The following CDON variants were observed in gnomAD, a reference collection of about 807,000 sequenced individuals.
CDON encodes the protein cell adhesion molecule-related/down-regulated by oncogenes.
In CDON, 73 loss-of-function variants were observed where a neutral mutation model predicts 120.9. The observed-to-expected ratio is 0.60, with a 90% confidence interval of 0.50 to 0.73. CDON has a LOEUF of 0.73. Among genes scored for constraint, CDON ranks in the 30% least tolerant of loss-of-function variants. The probability of loss-of-function intolerance (pLI) is 0.00; values close to 1 mark genes in which losing one functional copy is unlikely to be tolerated. For synonymous variants in CDON, 566 were observed against 573.5 expected (o/e 0.99, Z 0.19); for missense variants, 1,470 against 1,587.3 (o/e 0.93, Z 1.26).
chr11:125,963,228 C>T (rs1458464432), intron 18 of CDON, among the ~76,000 whole-genome samples: 3 of 152,100 alleles, frequency 2.0e-5, no homozygotes, highest in Non-Finnish European at 4.4e-5. Flanking sequence ...TTCAAATTAT[C>T]CAGATTTTAT....
chr11:126,048,182 T>G (rs991654333), intron 1 of CDON, among the ~76,000 whole-genome samples: 20 of 150,834 alleles, frequency 1.3e-4, no homozygotes, highest in African/African-American at 4.9e-4. Context: ...ATTGGGAGGC[T>G]GAGGCATGAG....
At chr11:125,975,577 A>C (rs910234328) in intron 18 of CDON, among the ~76,000 whole-genome samples, 1 of 152,198 alleles carries the variant, frequency 6.6e-6, no homozygotes, top group African/African-American at 2.4e-5. Flanking sequence ...AAATTATTCC[A>C]GCGGTTCTCA....
intron 1 of CDON, among the ~76,000 whole-genome samples, chr11:126,031,863 AC>A (rs1444411634): frequency 6.6e-6 from 1 of 152,156 alleles, no homozygotes; most frequent in African/African-American, 2.4e-5. Context: ...TTCCTCTTTC[AC>A]CAGCCTCAAG....
In CDON at chr11:125,980,696, C is replaced by G. The variant is rs536592129; in HGVS notation, c.3276+353G>C. Among the ~76,000 whole-genome samples, 20 of 152,308 alleles carry G rather than the reference C, an allele frequency of 1.3e-4. No individual in the cohort carries two copies. The East Asian group carries it at 2.3e-3, about 18-fold the overall frequency. On this transcript the variant is annotated intron_variant, in intron 17 of 19. Coordinates refer to ENST00000531738, the MANE Select transcript of CDON (RefSeq NM_001378964.1). ...CCACAATTTCCTGATCTGCCTGACT[C>G]TTTTCGGCATTTGCATTTTCAAGAC...
At position 126,008,733 on chromosome 11, in the gene CDON, T is replaced by C. The variant is rs138586373; in HGVS notation, c.1552+1608A>G. Among the ~76,000 whole-genome samples, 582 of 152,304 alleles carry C rather than the reference T, an allele frequency of 3.8e-3. 2 individuals carry two copies. The highest frequency in any genetic ancestry group is 6.1e-3 in the Non-Finnish European group (417 of 68,038). Reference sequence around the variant, plus strand: ...ACAATTTCGAGCAGAGCCACTCTTATTTTTGCCTAGAGGAATAGAAATATA... The same window carrying C: ...ACAATTTCGAGCAGAGCCACTCTTACTTTTGCCTAGAGGAATAGAAATATA... On this transcript the variant is annotated intron_variant, in intron 8 of 19. Transcript: ENST00000531738.
Position 126,019,612 on chromosome 11 carries a change from G to C in CDON, c.496+7C>G. 1 of 1,613,962 alleles carries C rather than the reference G, an allele frequency of 6.2e-7. No homozygotes were observed. On this transcript the variant is annotated splice_region_variant and intron_variant, in intron 4 of 19. Coordinates refer to ENST00000531738, the MANE Select transcript of CDON (RefSeq NM_001378964.1). ...GTGTGCCACCGGCTTTTCACAAAAG[G>C]TCTCACCTGTGGAATGTTCCAGCCA... is the stretch of plus-strand genomic sequence containing the variant.
At chr11:126,050,116 G>T (rs1948518096) in intron 1 of CDON, among the ~76,000 whole-genome samples, 1 of 151,012 alleles carries the variant, frequency 6.6e-6, no homozygotes. Flanking sequence ...AGATACCAGG[G>T]AGTCAATTTT....
intron 1 of CDON, among the ~76,000 whole-genome samples, chr11:126,055,975 G>A (rs998215944): frequency 2.0e-5 from 3 of 152,114 alleles, no homozygotes; most frequent in Admixed American, 2.0e-4. Context: ...AATGGCTGTT[G>A]GTAACTTTTA....
rs1408758018 is a variant in CDON at position 125,957,515 on chromosome 11, A to C, written c.*3427T>G. 1 of 152,272 alleles carries C rather than the reference A, an allele frequency of 6.6e-6. No individual in the cohort carries two copies. Among genetic ancestry groups the C allele is most frequent in the Non-Finnish European group, 1.5e-5 (1 of 68,048 alleles). The allele number at this position is 152,272 out of a possible 1,614,324, so 9.4% of individuals were successfully genotyped here. A position where few individuals can be genotyped will look rare whatever the true frequency, so the allele number is the denominator to read the frequency against. On this transcript the variant is annotated 3_prime_UTR_variant, in exon 20 of 20. Transcript: ENST00000531738. ...ACCAAATAAAACCTGCCAAAGCTAC[A>C]TCATTTAAAATATGTACAGTTTCAC...
At chr11:126,014,825 A>T (rs1023424467) in intron 7 of CDON, 3 of 159,910 alleles carry the variant, frequency 1.9e-5, no homozygotes, top group Admixed American at 6.0e-5. Context: ...AGGTAAAAAA[A>T]ACAAAAAAAG....
intron 1 of CDON, among the ~76,000 whole-genome samples, chr11:126,035,400 T>G (rs1359340630): frequency 6.6e-6 from 1 of 152,192 alleles, no homozygotes; most frequent in Non-Finnish European, 1.5e-5. Context: ...TAATACTAGT[T>G]TCCAAGTACC....
rs570232415 is a variant in CDON, at chr11:126,025,975, C to T, written c.-61-2438G>A. Among the ~76,000 whole-genome samples the T allele has an allele frequency of 3.3e-5, 5 of 152,286 alleles. No homozygotes were observed. In the South Asian group the frequency reaches 1.0e-3, roughly 32 times the overall value. On this transcript the variant is annotated intron_variant, in intron 1 of 19. Transcript: ENST00000531738. Reference sequence around the variant, plus strand: ...CTGGGACATGCGTAACCACAGCACCCAATACTCTCTTATGTAACTTATCTG... The same window carrying T: ...CTGGGACATGCGTAACCACAGCACCTAATACTCTCTTATGTAACTTATCTG...
At chr11:126,015,958 G>A (rs77549115) in intron 6 of CDON, among the ~76,000 whole-genome samples, 15,812 of 152,128 alleles carry the variant, frequency 0.1, 859 homozygotes, top group Admixed American at 0.13. Flanking sequence ...GATGTATAAT[G>A]GTGAAAATAA....
intron 1 of CDON, among the ~76,000 whole-genome samples, chr11:126,039,716 C>G (rs943543241): frequency 6.6e-6 from 1 of 152,168 alleles, no homozygotes; most frequent in African/African-American, 2.4e-5. Context: ...CTCCCTAAAG[C>G]AGCATTATCA....
chr11:125,959,210 G>A lies in CDON; in HGVS notation c.*1732C>T, dbSNP rs1945572114. On this transcript the variant is annotated 3_prime_UTR_variant, in exon 20 of 20. Transcript: ENST00000531738. ...TTATAAAATATATAGACATATGTAA[G>A]GGAATACTGATGCATTTATACAGAA... The A allele has an allele frequency of 6.6e-6, 1 of 152,160 alleles. No individual in the cohort carries two copies. The highest frequency in any genetic ancestry group is 2.4e-5 in the African/African-American group (1 of 41,440). 9.4% of individuals were successfully genotyped at this position (152,160 alleles called of 1,614,324 possible).
At chr11:126,022,986 G>A (rs1477459248) in intron 2 of CDON, among the ~76,000 whole-genome samples, 1 of 152,126 alleles carries the variant, frequency 6.6e-6, no homozygotes, top group East Asian at 1.9e-4. Flanking sequence ...TGGCAGACCT[G>A]GGATTTGAAC....
chr11:126,056,316 C>T (rs1948679329), intron 1 of CDON, among the ~76,000 whole-genome samples: 1 of 152,206 alleles, frequency 6.6e-6, no homozygotes, highest in Non-Finnish European at 1.5e-5. Context: ...TATTTCAACG[C>T]TCCCAACCCC....
At chr11:125,970,079 G>T (rs993382558) in intron 18 of CDON, among the ~76,000 whole-genome samples, 15 of 151,378 alleles carry the variant, frequency 9.9e-5, no homozygotes, top group African/African-American at 3.6e-4. Flanking sequence ...TAGAGGGAAA[G>T]AACTATCCGT....
chr11:126,025,376 A>C (rs1345786838), intron 1 of CDON, among the ~76,000 whole-genome samples: 1 of 152,168 alleles, frequency 6.6e-6, no homozygotes, highest in African/African-American at 2.4e-5. Context: ...GAGAAAAGAC[A>C]AAAGCGTGAT....
Sources: gnomAD v4.1 joint callset for allele counts (sites outside exome capture counted in the v4.1 genomes callset) on GRCh38, gnomAD v4.1.1 for gene constraint, MANE v1.5 for transcripts, NCBI Gene and HGNC (gene_info 2026-07-23, HGNC 2026-07-21) for gene names.